Variants in XCR1 observed in about 807,000 individuals in gnomAD.
XCR1 encodes X-C motif chemokine receptor 1, also known as chemokine XC receptor 1.
For synonymous variants in XCR1, 187 were observed against 188.5 expected (o/e 0.99, Z 0.06); for missense variants, 356 against 424.2 (o/e 0.84, Z 1.41).
intron 3 of XCR1, among the ~76,000 whole-genome samples, chr3:46,074,067 T>A (rs996726634): frequency 2.0e-5 from 3 of 152,142 alleles, no homozygotes; most frequent in African/African-American, 7.2e-5. Context: ...GCAACCCCAC[T>A]ACTGGGTATC....
intron 2 of XCR1, among the ~76,000 whole-genome samples, chr3:46,075,126 A>C (rs1185333339): frequency 6.6e-6 from 1 of 152,104 alleles, no homozygotes; most frequent in African/African-American, 2.4e-5. Flanking sequence ...TCATAGCTAT[A>C]GTAATATGTG....
In XCR1 at chr3:46,052,045, A is replaced by AAAAAC. The variant is rs1559488337; in HGVS notation, c.-32+1870_-32+1874dup. ...CATCTCAAAAAAACAAAAACAAAAAAAAAACTTGAATTTCTCCTTCATAAC... is the reference window on the plus strand; with the variant it reads ...CATCTCAAAAAAACAAAAACAAAAAAAAAACAAAACTTGAATTTCTCCTTCATAAC... On this transcript the variant is annotated intron_variant, in intron 5 of 5. Coordinates refer to the XCR1 transcript ENST00000683768. Among the ~76,000 whole-genome samples, 18 of 98,404 alleles carry AAAAAC rather than the reference A, an allele frequency of 1.8e-4. No homozygotes were observed. In the East Asian group the frequency reaches 4.5e-3, roughly 25 times the overall value. The allele number at this position is 98,404 out of a possible 152,430, so 64.6% of individuals were successfully genotyped here. A position where few individuals can be genotyped will look rare whatever the true frequency, so the allele number is the denominator to read the frequency against.
chr3:46,073,411 A>G (rs1212074332), intron 3 of XCR1, among the ~76,000 whole-genome samples: 1 of 152,126 alleles, frequency 6.6e-6, no homozygotes. Context: ...CTTGGCCAAC[A>G]TGGCAAAATC....
chr3:46,064,060 A>T (rs1698015395), intron 4 of XCR1, among the ~76,000 whole-genome samples: 1 of 152,078 alleles, frequency 6.6e-6, no homozygotes, highest in Non-Finnish European at 1.5e-5. Context: ...TTTAGTAGAG[A>T]CAAAGTCTTG....
intron 4 of XCR1, among the ~76,000 whole-genome samples, chr3:46,060,175 T>C (rs922232344): frequency 3.9e-5 from 6 of 152,242 alleles, no homozygotes; most frequent in African/African-American, 1.4e-4. Flanking sequence ...ATAACATAGC[T>C]GTATCTATTT....
chr3:46,057,566 T>G (rs1697874480), intron 4 of XCR1, among the ~76,000 whole-genome samples: 1 of 152,224 alleles, frequency 6.6e-6, no homozygotes. Flanking sequence ...CCACAGCTAT[T>G]CAATCAGACA....
chr3:46,050,138 A>G (rs996139378), intron 5 of XCR1, among the ~76,000 whole-genome samples: 2 of 152,244 alleles, frequency 1.3e-5, no homozygotes, highest in Admixed American at 1.3e-4. Context: ...AAGAATAAAC[A>G]AAAGCAAAGG....
In XCR1 at chr3:46,050,164, C is replaced by T. The variant is rs549414769; in HGVS notation, c.-32+3756G>A. ...AAAGCAAAGGTTTTTGCAGTTGTAG[C>T]GGTGAGGCATGTCTCTGCTGTGACA... On this transcript the variant is annotated intron_variant, in intron 5 of 5. Coordinates refer to the XCR1 transcript ENST00000683768. Among the ~76,000 whole-genome samples, 20 of 152,210 alleles carry T rather than the reference C, an allele frequency of 1.3e-4. No individual in the cohort carries two copies. In the South Asian group the frequency reaches 3.5e-3, roughly 27 times the overall value.
chr3:46,032,199 G>C (rs1708409083), upstream of XCR1, among the ~76,000 whole-genome samples: 1 of 152,248 alleles, frequency 6.6e-6, no homozygotes, highest in African/African-American at 2.4e-5. Flanking sequence ...GAAGAGGAGA[G>C]AAAAGCTGTG....
At chr3:46,062,971 T>C (rs1697993852) in intron 4 of XCR1, among the ~76,000 whole-genome samples, 1 of 152,236 alleles carries the variant, frequency 6.6e-6, no homozygotes, top group Non-Finnish European at 1.5e-5. Flanking sequence ...AGTGGAAGTA[T>C]TTGGACCTCA....
intron 5 of XCR1, among the ~76,000 whole-genome samples, chr3:46,037,964 T>A (rs1697464832): frequency 6.6e-6 from 1 of 152,084 alleles, no homozygotes; most frequent in Admixed American, 6.5e-5. Context: ...TGCTATCAGT[T>A]GACTTGAAGA....
At chr3:46,035,466 T>G (rs1180556977) in intron 5 of XCR1, among the ~76,000 whole-genome samples, 1 of 152,190 alleles carries the variant, frequency 6.6e-6, no homozygotes, top group African/African-American at 2.4e-5. Context: ...GGTATTTCAG[T>G]AACAGATTTT....
At chr3:46,025,436 GAA>G (rs1484655840) in intron 1 of XCR1, among the ~76,000 whole-genome samples, 1 of 151,758 alleles carries the variant, frequency 6.6e-6, no homozygotes, top group African/African-American at 2.4e-5. Context: ...GAGAGAGAGA[GAA>G]AGACCAAAAA....
chr3:46,062,096 A>T (rs1267275417), intron 4 of XCR1, among the ~76,000 whole-genome samples: 1 of 152,130 alleles, frequency 6.6e-6, no homozygotes, highest in Non-Finnish European at 1.5e-5. Context: ...AGTCAGCAGA[A>T]TTGGGCCCAG....
intron 5 of XCR1, among the ~76,000 whole-genome samples, chr3:46,034,103 G>T (rs1425398646): frequency 6.6e-6 from 1 of 152,136 alleles, no homozygotes; most frequent in Non-Finnish European, 1.5e-5. Flanking sequence ...CTCTGGAGTA[G>T]CTGGGATTAC....
At chr3:46,038,753 A>G (rs1434304930) in intron 5 of XCR1, among the ~76,000 whole-genome samples, 4 of 152,198 alleles carry the variant, frequency 2.6e-5, no homozygotes, top group African/African-American at 9.7e-5. Context: ...GAAATAGTAT[A>G]CTATTTATTT....
At chr3:46,050,059 C>G (rs1476779187) in intron 5 of XCR1, among the ~76,000 whole-genome samples, 1 of 152,216 alleles carries the variant, frequency 6.6e-6, no homozygotes, top group Non-Finnish European at 1.5e-5. Context: ...GTAGAAAGAG[C>G]CATTCTATTA....
intron 1 of XCR1, among the ~76,000 whole-genome samples, chr3:46,078,647 T>C (rs1390804184): frequency 6.6e-6 from 1 of 152,248 alleles, no homozygotes; most frequent in Non-Finnish European, 1.5e-5. Context: ...CTTTTAAAAT[T>C]GCAGCTGCTT....
intron 5 of XCR1, among the ~76,000 whole-genome samples, chr3:46,052,019 C>A (rs999817671): frequency 1.6e-5 from 2 of 128,222 alleles, no homozygotes; most frequent in African/African-American, 6.4e-5. Flanking sequence ...AAGTGAGACT[C>A]CATCTCAAAA....
Sources: gnomAD v4.1 joint callset for allele counts (sites outside exome capture counted in the v4.1 genomes callset) on GRCh38, gnomAD v4.1.1 for gene constraint, MANE v1.5 for transcripts, NCBI Gene and HGNC (gene_info 2026-07-23, HGNC 2026-07-21) for gene names.